The following PINK1 variants were observed in gnomAD, a reference collection of about 807,000 sequenced individuals.
The protein encoded by PINK1 is serine/threonine-protein kinase PINK1, mitochondrial.
A neutral mutation model predicts 56.0 loss-of-function variants in PINK1; 58 were observed. That is an observed-to-expected ratio of 1.04 (90% CI 0.84 to 1.29). The LOEUF is 1.29. Among genes scored for constraint, PINK1 ranks in the 50% most tolerant of loss-of-function variants. The pLI, the probability that PINK1 is intolerant of heterozygous loss-of-function variation, is 0.00. For synonymous variants in PINK1, 354 were observed against 339.3 expected, an observed-to-expected ratio of 1.04 and a Z score of -0.48; for missense variants, 745 against 777.9, an observed-to-expected ratio of 0.96 and a Z score of 0.50.
intron 3 of PINK1, 22 bp downstream of exon 3, chr1:20,640,014 G>T: frequency 4.5e-6 from 7 of 1,568,718 alleles, no homozygotes; most frequent in Non-Finnish European, 6.1e-6. Context: ...CTGCCTGCCA[G>T]ACTGACTGGG....
In PINK1 at chr1:20,651,448, A is replaced by G. The variant is rs895040725; in HGVS notation, c.*757A>G. 1.2e-4 allele frequency: 19 copies of G among 152,582 alleles called. No homozygotes were observed. The highest frequency in any genetic ancestry group is 3.8e-4 in the African/African-American group (16 of 41,574). 9.5% of individuals were successfully genotyped at this position (152,582 alleles called of 1,614,324 possible). On this transcript the variant is annotated 3_prime_UTR_variant, in exon 8 of 8. Transcript: ENST00000321556. ...CATGTCTAACTAACTAACTTTATACATGATTTTTAGGAAGCTATTGCCTAA... is the reference window on the plus strand; with the variant it reads ...CATGTCTAACTAACTAACTTTATACGTGATTTTTAGGAAGCTATTGCCTAA...
chr1:20,636,367 C>T (rs1207439818), intron 1 of PINK1, among the ~76,000 whole-genome samples: 16 of 148,692 alleles, frequency 1.1e-4, no homozygotes, highest in Non-Finnish European at 2.1e-4. Flanking sequence ...TTTTTTGATA[C>T]GGAGTCTCAC....
chr1:20,644,951 T>C (rs182306469), intron 4 of PINK1, among the ~76,000 whole-genome samples: 152 of 152,386 alleles, frequency 1.0e-3, no homozygotes, highest in African/African-American at 3.1e-3. Flanking sequence ...GCTGGACTTA[T>C]CTGTTTTTAA....
At chr1:20,646,450 C>T (rs1054654184) in intron 5 of PINK1, among the ~76,000 whole-genome samples, 1 of 151,940 alleles carries the variant, frequency 6.6e-6, no homozygotes, top group Non-Finnish European at 1.5e-5. Context: ...TCGAGACCAT[C>T]CTGGCCAACA....
intron 6 of PINK1, 159 bp from the exon 7 acceptor site, chr1:20,648,836 T>A: frequency 4.0e-6 from 5 of 1,235,128 alleles, no homozygotes; most frequent in Non-Finnish European, 5.8e-6. Flanking sequence ...ATAAACCAGG[T>A]GGTCTAAGCA....
intron 7 of PINK1, 130 bp from the exon 8 acceptor site, chr1:20,650,304 T>C: frequency 8.1e-7 from 1 of 1,236,832 alleles, no homozygotes; most frequent in African/African-American, 1.5e-5. Context: ...GTGAAGGGCA[T>C]CAGTAGGAGA....
At chr1:20,639,358 C>T in intron 2 of PINK1, 1 of 186,072 alleles carries the variant, frequency 5.4e-6, no homozygotes, top group South Asian at 1.1e-4. Flanking sequence ...CTTCTTGATA[C>T]AGGTTTCATA....
Position 20,644,756 on chromosome 1 carries a change from CAG to C in PINK1, c.959+85_959+86del, listed in dbSNP as rs942299212. 2.6e-6 allele frequency: 4 copies of C among 1,529,064 alleles called. No homozygotes were observed. In the African/African-American group the frequency reaches 5.5e-5, roughly 21 times the overall value. The allele number at this position is 1,529,064 out of a possible 1,614,324, so 94.7% of individuals were successfully genotyped here. ...TCCTGCCCTCCATGTGCACCTTGAT[CAG>C]GGGGTTTTGGAGAACAGGGTCATCA... is the stretch of plus-strand genomic sequence containing the variant. On this transcript the variant is annotated intron_variant, in intron 4 of 7. Coordinates refer to ENST00000321556, the MANE Select transcript of PINK1 (RefSeq NM_032409.3).
chr1:20,638,172 A>G (rs986194258), intron 2 of PINK1, 43 bp downstream of exon 2: 1 of 1,595,678 alleles, frequency 6.3e-7, no homozygotes, highest in South Asian at 1.1e-5. Flanking sequence ...TGTTCTCAAA[A>G]TGCCCATCTT....
chr1:20,647,818 C>CAT (rs10672294), intron 5 of PINK1, among the ~76,000 whole-genome samples: 81,915 of 151,576 alleles, frequency 0.54, 22,572 homozygotes, highest in Middle Eastern at 0.69. Flanking sequence ...TACAAATAAC[C>CAT]AATTCTTTTT....
rs1486635639 is a variant in PINK1 at position 20,633,509 on chromosome 1, G to A, written c.-40G>A. ...ACCGGCGGGGGACGCCGGTGGTGGC[G>A]GCAGCGGCGGCTGCGGGGGCACCGG... On this transcript the variant is annotated 5_prime_UTR_variant, in exon 1 of 8. Transcript: ENST00000321556. The A allele has an allele frequency of 3.6e-6, 4 of 1,119,496 alleles. No homozygotes were observed. Among genetic ancestry groups the A allele is most frequent in the Admixed American group, 9.9e-5 (2 of 20,208 alleles). The allele number at this position is 1,119,496 out of a possible 1,614,324, so 69.3% of individuals were successfully genotyped here. A position where few individuals can be genotyped will look rare whatever the true frequency, so the allele number is the denominator to read the frequency against.
rs761370464 is a variant in PINK1 at position 20,648,950 on chromosome 1, T to A, written c.1252-45T>A. On this transcript the variant is annotated intron_variant, in intron 6 of 7. Coordinates refer to ENST00000321556, the MANE Select transcript of PINK1 (RefSeq NM_032409.3). The stretch of plus-strand genomic sequence containing the variant: ...GGTGATGTGCAGGACATGAAAAGGT[T>A]AGATGGGCGGGCAGCGTGATGTCTC... The A allele has an allele frequency of 5.0e-6, 8 of 1,588,094 alleles. No homozygotes were observed. In the African/African-American group the frequency reaches 1.1e-4, roughly 21 times the overall value.
At chr1:20,648,890 TC>T in intron 6 of PINK1, 104 bp from the exon 7 acceptor site, 4 of 1,387,218 alleles carry the variant, frequency 2.9e-6, no homozygotes, top group Non-Finnish European at 3.1e-6. Flanking sequence ...AGCTCTGGGT[TC>T]CTTGGGACAG....
At position 20,650,940 on chromosome 1, in the gene PINK1, T is replaced by G. The variant is rs1570409844; in HGVS notation, c.*249T>G. 1.8e-6 allele frequency: 1 copy of G among 549,242 alleles called. No homozygotes were observed. Among genetic ancestry groups the G allele is most frequent in the African/African-American group, 1.9e-5 (1 of 52,860 alleles). 34.0% of individuals were successfully genotyped at this position (549,242 alleles called of 1,614,324 possible). On this transcript the variant is annotated 3_prime_UTR_variant, in exon 8 of 8. Transcript: ENST00000321556. ...TAGATGAGGCTGGACTGAGGAGGGG[T>G]AGGCCTGCATCCACAGAGAGGATCC...
chr1:20,648,866 C>A, intron 6 of PINK1, 129 bp from the exon 7 acceptor site: 1 of 1,270,312 alleles, frequency 7.9e-7, no homozygotes, highest in Non-Finnish European at 1.1e-6. Context: ...TGGGTCTGAG[C>A]CACAGCTCAC....
intron 7 of PINK1, chr1:20,649,505 C>T: frequency 2.2e-6 from 1 of 450,828 alleles, no homozygotes; most frequent in African/African-American, 2.0e-5. Flanking sequence ...TGGCTTACAC[C>T]TATAATCACA....
chr1:20,634,184 C>A lies in PINK1; in HGVS notation c.387+249C>A, dbSNP rs2053030559. 2.0e-5 allele frequency among the ~76,000 whole-genome samples: 3 copies of A among 152,212 alleles called. No homozygotes were observed. The South Asian group carries it at 6.2e-4, about 32-fold the overall frequency. The stretch of plus-strand genomic sequence containing the variant: ...ACATGTTGCCGATTACAGCTCCTGT[C>A]GCAGCACAGCAAAAGGCTTTGTGTA... On this transcript the variant is annotated intron_variant, in intron 1 of 7. Coordinates refer to ENST00000321556, the MANE Select transcript of PINK1 (RefSeq NM_032409.3).
At position 20,651,440 on chromosome 1, in the gene PINK1, CTT is replaced by C. The variant is rs1311048863; in HGVS notation, c.*751_*752del. The C allele has an allele frequency of 1.3e-5, 2 of 152,528 alleles. No individual in the cohort carries two copies. Among genetic ancestry groups the C allele is most frequent in the East Asian group, 3.8e-4 (2 of 5,200 alleles). The allele number at this position is 152,528 out of a possible 1,614,324, so 9.4% of individuals were successfully genotyped here. A position where few individuals can be genotyped will look rare whatever the true frequency, so the allele number is the denominator to read the frequency against. On this transcript the variant is annotated 3_prime_UTR_variant, in exon 8 of 8. Coordinates refer to ENST00000321556, the MANE Select transcript of PINK1 (RefSeq NM_032409.3). ...AGAGATTTCATGTCTAACTAACTAA[CTT>C]TATACATGATTTTTAGGAAGCTATT... is the stretch of plus-strand genomic sequence containing the variant.
rs188167869 is a variant in PINK1, at chr1:20,640,942, G to A, written c.776+950G>A. The stretch of plus-strand genomic sequence containing the variant: ...TCCCAGCTACTCAGGAGGCTGAGGC[G>A]GGAGGATCATTTGAGTCCAGGGAGG... On this transcript the variant is annotated intron_variant, in intron 3 of 7. Coordinates refer to ENST00000321556, the MANE Select transcript of PINK1 (RefSeq NM_032409.3). Among the ~76,000 whole-genome samples, 81 of 152,162 alleles carry A rather than the reference G, an allele frequency of 5.3e-4. 1 individual carries two copies. The highest frequency in any genetic ancestry group is 1.9e-3 in the African/African-American group (78 of 41,520).
Sources: allele counts gnomAD v4.1 joint callset (sites outside exome capture counted in the v4.1 genomes callset), GRCh38; gene constraint gnomAD v4.1.1; transcripts MANE v1.5; gene names NCBI Gene and HGNC (gene_info 2026-07-23, HGNC 2026-07-21).